The following USP48 variants were observed in gnomAD, a reference collection of about 807,000 sequenced individuals.
The protein encoded by USP48 is ubiquitin specific peptidase 48, also known as ubiquitin carboxyl-terminal hydrolase 48.
USP48 carries 43 observed loss-of-function variants against 150.7 expected under a neutral mutation model. That is an observed-to-expected ratio of 0.29 (90% CI 0.22 to 0.37). The LOEUF (loss-of-function observed/expected upper bound fraction) is 0.37, where lower values mean the gene tolerates loss of function less well. USP48 is among the 10% of genes least tolerant of loss of function. The pLI, the probability that USP48 is intolerant of heterozygous loss-of-function variation, is 1.00. For synonymous variants in USP48, 396 were observed against 425.9 expected (o/e 0.93, Z 0.86); for missense variants, 813 against 1,249.6 (o/e 0.65, Z 5.27).
At chr1:21,691,269 A>G (rs1269203640) in intron 23 of USP48, among the ~76,000 whole-genome samples, 2 of 145,584 alleles carry the variant, frequency 1.4e-5, no homozygotes, top group Non-Finnish European at 3.0e-5. Flanking sequence ...AGCTGAGACC[A>G]CGCCATTGCA....
chr1:21,782,403 C>T (rs979362449), intron 1 of USP48, among the ~76,000 whole-genome samples: 2 of 151,976 alleles, frequency 1.3e-5, no homozygotes, highest in African/African-American at 2.4e-5. Flanking sequence ...CTAAAGCTGC[C>T]CTCTACAAAA....
At chr1:21,765,937 A>T (rs1298706308) in intron 1 of USP48, among the ~76,000 whole-genome samples, 12 of 144,572 alleles carry the variant, frequency 8.3e-5, no homozygotes, top group African/African-American at 2.6e-4. Context: ...AAAAAAAAAA[A>T]GGCAATTCAG....
chr1:21,748,268 CT>C lies in USP48; in HGVS notation c.777del (p.Glu260LysfsTer3). 6.2e-7 allele frequency: 1 copy of C among 1,610,974 alleles called. No homozygotes were observed. Among genetic ancestry groups the C allele is most frequent in the Non-Finnish European group, 8.5e-7 (1 of 1,178,922 alleles). ...LTDCISEFLKEEKLEGDNRYF... is the reference protein window; with the variant it reads ...LTDCISEFLKXEKLEGDNRYF... ...TAGCGATTGTCTCCTTCTAATTTTTCTTCCTGATCAAGAATAAGACATATTA... is the reference window on the plus strand; with the variant it reads ...TAGCGATTGTCTCCTTCTAATTTTTCTCCTGATCAAGAATAAGACATATTA... On this transcript the variant is annotated frameshift_variant and splice_region_variant, in exon 7 of 27. Coordinates refer to ENST00000308271, the MANE Select transcript of USP48 (RefSeq NM_032236.8). LOFTEE classifies it high-confidence loss of function.
rs767861369 is a variant in USP48, at chr1:21,689,961, G to A, written c.3009+13C>T. On this transcript the variant is annotated intron_variant, in intron 24 of 26. Coordinates refer to ENST00000308271, the MANE Select transcript of USP48 (RefSeq NM_032236.8). ...AAACCTTGAGTTCTTCAGCTAAGGA[G>A]CTGTTTACTTACCTTCAATAAAATG... is the stretch of plus-strand genomic sequence containing the variant. 1.9e-6 allele frequency: 3 copies of A among 1,613,304 alleles called. No homozygotes were observed. The highest frequency in any genetic ancestry group is 1.7e-4 in the Middle Eastern group (1 of 6,052).
chr1:21,680,442 T>C (rs1156387058), intron 26 of USP48, among the ~76,000 whole-genome samples: 1 of 152,222 alleles, frequency 6.6e-6, no homozygotes, highest in African/African-American at 2.4e-5. Context: ...TAATTCTTAA[T>C]AGTTACACAC....
At chr1:21,769,677 C>G (rs2097873366) in intron 1 of USP48, among the ~76,000 whole-genome samples, 1 of 152,102 alleles carries the variant, frequency 6.6e-6, no homozygotes, top group Admixed American at 6.6e-5. Flanking sequence ...TCCCAAAATG[C>G]TGGGATTAAA....
chr1:21,706,347 A>G, intron 17 of USP48, 120 bp downstream of exon 17: 2 of 1,521,850 alleles, frequency 1.3e-6, no homozygotes, highest in African/African-American at 1.4e-5. Flanking sequence ...TCCCCTGGTT[A>G]GATAACTAAA....
chr1:21,736,402 T>G (rs1338969799), intron 9 of USP48, 44 bp downstream of exon 9: 31 of 1,518,630 alleles, frequency 2.0e-5, no homozygotes, highest in Non-Finnish European at 2.7e-5. Flanking sequence ...TCTAGTAAAA[T>G]AAATTTATAT....
In USP48 at chr1:21,721,560, T is replaced by C. The variant is rs1178170652; in HGVS notation, c.1763+90A>G. ...TCACCCTTCTTCTAAAAATCCCAAC[T>C]TCCTATTTTTAATAAATAACGAGAT... On this transcript the variant is annotated intron_variant, in intron 13 of 26. Transcript: ENST00000308271. 3.3e-6 allele frequency: 3 copies of C among 903,604 alleles called. No individual in the cohort carries two copies. The Admixed American group carries it at 1.1e-4, about 32-fold the overall frequency. 56.0% of individuals were successfully genotyped at this position (903,604 alleles called of 1,614,324 possible).
intron 22 of USP48, among the ~76,000 whole-genome samples, chr1:21,697,924 C>A (rs1173129801): frequency 6.6e-6 from 1 of 151,950 alleles, no homozygotes; most frequent in Non-Finnish European, 1.5e-5. Context: ...AAAACCCAGC[C>A]CACTGGTTTT....
Position 21,704,644 on chromosome 1 carries a change from A to G in USP48, c.2385-252T>C, listed in dbSNP as rs2097666974. On this transcript the variant is annotated intron_variant, in intron 19 of 26. Transcript: ENST00000308271. Reference sequence around the variant, plus strand: ...CTCAAAAACATAATTGAGTAAAATAAGTTAGTTGCAGAAGTATAAATACAG... The same window carrying G: ...CTCAAAAACATAATTGAGTAAAATAGGTTAGTTGCAGAAGTATAAATACAG... 8 of 359,452 alleles carry G rather than the reference A, an allele frequency of 2.2e-5. No individual in the cohort carries two copies. The South Asian group carries it at 4.3e-4, about 19-fold the overall frequency. The allele number at this position is 359,452 out of a possible 1,614,324, so 22.3% of individuals were successfully genotyped here. A position where few individuals can be genotyped will look rare whatever the true frequency, so the allele number is the denominator to read the frequency against.
intron 21 of USP48, among the ~76,000 whole-genome samples, chr1:21,702,492 CAA>C (rs1344116366): frequency 6.6e-6 from 1 of 151,784 alleles, no homozygotes; most frequent in Admixed American, 6.6e-5. Flanking sequence ...CCTTGCAGGT[CAA>C]TGGAAGAGGC....
chr1:21,720,519 GT>G (rs2097717326), intron 14 of USP48, among the ~76,000 whole-genome samples: 1 of 150,598 alleles, frequency 6.6e-6, no homozygotes, highest in African/African-American at 2.4e-5. Flanking sequence ...CATTTTTTGG[GT>G]TTTTCTTTTT....
intron 15 of USP48, among the ~76,000 whole-genome samples, chr1:21,712,428 T>G (rs1362835102): frequency 1.8e-5 from 1 of 54,766 alleles, no homozygotes; most frequent in African/African-American, 4.1e-5. Context: ...AGGCAAATGG[T>G]AAACATTCAA....
rs1301693284 is a variant in USP48, at chr1:21,773,814, A to G, written c.134+9010T>C. 3.9e-5 allele frequency among the ~76,000 whole-genome samples: 6 copies of G among 152,030 alleles called. 1 individual carries two copies. In the East Asian group the frequency reaches 7.7e-4, roughly 20 times the overall value. ...TGTATTATCAAAAACCGGAAACCCC[A>G]AAGTCCATCAACAGGAAACTGGTTA... On this transcript the variant is annotated intron_variant, in intron 1 of 26. Coordinates refer to ENST00000308271, the MANE Select transcript of USP48 (RefSeq NM_032236.8).
At chr1:21,779,591 A>C (rs948331190) in intron 1 of USP48, among the ~76,000 whole-genome samples, 3 of 152,106 alleles carry the variant, frequency 2.0e-5, no homozygotes, top group African/African-American at 7.2e-5. Flanking sequence ...GTTACCACAC[A>C]ACCCAACAAT....
chr1:21,710,435 C>A (rs1439945602), intron 15 of USP48, among the ~76,000 whole-genome samples: 1 of 151,944 alleles, frequency 6.6e-6, no homozygotes, highest in Non-Finnish European at 1.5e-5. Flanking sequence ...CACAGCCCAT[C>A]GTCTAAGCAA....
At chr1:21,738,392 G>A (rs1302319721) in intron 8 of USP48, among the ~76,000 whole-genome samples, 1 of 117,672 alleles carries the variant, frequency 8.5e-6, no homozygotes, top group Non-Finnish European at 1.7e-5. Flanking sequence ...TTTCACTCTT[G>A]TTGCCCAGGC....
At chr1:21,778,335 C>A (rs183263571) in intron 1 of USP48, among the ~76,000 whole-genome samples, 1 of 152,130 alleles carries the variant, frequency 6.6e-6, no homozygotes, top group African/African-American at 2.4e-5. Context: ...ACATAAGACA[C>A]CACTTCGCAC....
Sources: allele counts gnomAD v4.1 joint callset (sites outside exome capture counted in the v4.1 genomes callset), GRCh38; gene constraint gnomAD v4.1.1; transcripts MANE v1.5; gene names NCBI Gene and HGNC (gene_info 2026-07-23, HGNC 2026-07-21).